The following KIF7 variants were observed in gnomAD, a reference collection of about 807,000 sequenced individuals.
KIF7 encodes kinesin-like protein KIF7.
In KIF7, 104 loss-of-function variants were observed where a neutral mutation model predicts 135.7. The observed-to-expected ratio is 0.77, with a 90% CI of 0.65 to 0.90. The LOEUF is 0.90. KIF7 is among the 40% of genes least tolerant of loss of function. The pLI is 0.00. For missense variants in KIF7, 2,005 were observed against 1,839.1 expected, an observed-to-expected ratio of 1.09 and a Z score of -1.65; for synonymous variants, 883 against 809.4, an observed-to-expected ratio of 1.09 and a Z score of -1.54.
In KIF7 at chr15:89,654,729, A is replaced by T. The variant is rs552302091; in HGVS notation, c.-25+670T>A. Among the ~76,000 whole-genome samples the T allele has an allele frequency of 2.6e-5, 4 of 152,340 alleles. No individual in the cohort carries two copies. In the East Asian group the frequency reaches 7.7e-4, roughly 29 times the overall value. On this transcript the variant is annotated intron_variant, in intron 1 of 18. Transcript: ENST00000394412. ...AGATAGTGATGGATAATCTTCATCCAGGGAACTTTCCCTGCCCTCCCTCCT... is the reference window on the plus strand; with the variant it reads ...AGATAGTGATGGATAATCTTCATCCTGGGAACTTTCCCTGCCCTCCCTCCT...
At position 89,645,073 on chromosome 15, in the gene KIF7, G is replaced by A. The variant is rs1255667027; in HGVS notation, c.2131C>T (p.Arg711Trp). The change falls in exon 10 of 19, where the codon CGG becomes TGG. Residue 711 changes from arginine (R) to tryptophan (W), a missense_variant. Arg to Trp is a moderately radical substitution (Grantham distance 101). Coordinates refer to ENST00000394412, the MANE Select transcript of KIF7 (RefSeq NM_198525.3). The part of the protein sequence containing the change: ...WRLAQAQQKI[R>W]ELAINIRMKE... ...ATGCGGATGTTGATAGCCAGCTCCC[G>A]GATCTTCTGCTGGGCCTGGGCCAGC... The A allele has an allele frequency of 1.9e-5, 31 of 1,605,408 alleles. No individual in the cohort carries two copies. Among genetic ancestry groups the A allele is most frequent in the East Asian group, 4.5e-5 (2 of 44,892 alleles).
At chr15:89,636,868 G>A (rs1485674620) in intron 11 of KIF7, among the ~76,000 whole-genome samples, 3 of 150,020 alleles carry the variant, frequency 2.0e-5, no homozygotes, top group Non-Finnish European at 3.0e-5. Flanking sequence ...CAAATCAACA[G>A]AATATATATT....
At chr15:89,654,858 C>T (rs1212128516) in intron 1 of KIF7, among the ~76,000 whole-genome samples, 4 of 152,272 alleles carry the variant, frequency 2.6e-5, no homozygotes, top group Non-Finnish European at 2.9e-5. Flanking sequence ...CACCCAGCCC[C>T]TATTGGGCTC....
chr15:89,633,849 AG>A lies in KIF7; in HGVS notation c.2428del (p.Leu810TrpfsTer47). On this transcript the variant is annotated frameshift_variant, in exon 12 of 19. Coordinates refer to ENST00000394412, the MANE Select transcript of KIF7 (RefSeq NM_198525.3). LOFTEE classifies it high-confidence loss of function. Reference sequence around the variant, plus strand: ...CTCACTCTGGGCCGACAGTGACACCAGCCGCTCCGTAGCCTGCTTCTTCTCC... The same window carrying A: ...CTCACTCTGGGCCGACAGTGACACCACCGCTCCGTAGCCTGCTTCTTCTCC... ...LKEKKQATER[L>X]VSLSAQSEKR... The A allele has an allele frequency of 6.2e-7, 1 of 1,613,746 alleles. No individual in the cohort carries two copies. Among genetic ancestry groups the A allele is most frequent in the Non-Finnish European group, 8.5e-7 (1 of 1,180,028 alleles).
At position 89,648,487 on chromosome 15, in the gene KIF7, C is replaced by T. The variant is rs1283535550; in HGVS notation, c.1211G>A (p.Arg404His). 1.9e-6 allele frequency: 2 copies of T among 1,041,766 alleles called. No homozygotes were observed. The highest frequency in any genetic ancestry group is 3.5e-5 in the African/African-American group (2 of 57,652). 64.5% of individuals were successfully genotyped at this position (1,041,766 alleles called of 1,614,324 possible). ...GTAGCGCGCGCACTCGGCGCCCAGG[C>T]GCATGGCGGCCGCCGCGGAGGCGGT... ...PATASAAAAM[R>H]LGAECARYRA... is the part of the protein sequence containing the mutation. Residue 404 changes from arginine (R) to histidine (H), a missense_variant, in exon 5 of 19, where the codon CGC (arginine) becomes CAC (histidine). Coordinates refer to ENST00000394412, the MANE Select transcript of KIF7 (RefSeq NM_198525.3).
At chr15:89,637,825 C>G (rs1963840925) in intron 11 of KIF7, among the ~76,000 whole-genome samples, 1 of 136,564 alleles carries the variant, frequency 7.3e-6, no homozygotes, top group African/African-American at 2.7e-5. Flanking sequence ...TTTTATGAGG[C>G]CAGCATCATC....
chr15:89,635,863 A>C (rs1300830409), intron 11 of KIF7, among the ~76,000 whole-genome samples: 1 of 152,192 alleles, frequency 6.6e-6, no homozygotes, highest in African/African-American at 2.4e-5. Flanking sequence ...AGCAACTCCA[A>C]GACACATAAT....
chr15:89,647,500 C>T (rs1567066596), intron 6 of KIF7, 96 bp downstream of exon 6: 3 of 1,098,328 alleles, frequency 2.7e-6, no homozygotes, highest in Non-Finnish European at 4.1e-6. Context: ...CCGCAGTACC[C>T]TACCCTAACT....
chr15:89,653,012 A>G (rs974444382), intron 1 of KIF7, 58 bp from the exon 2 acceptor site: 1 of 1,335,410 alleles, frequency 7.5e-7, no homozygotes, highest in Non-Finnish European at 9.9e-7. Context: ...AGCTGGACTC[A>G]CCCTGCAGGG....
Position 89,628,592 on chromosome 15 carries a change from G to C in KIF7, c.3859C>G (p.Gln1287Glu). The C allele has an allele frequency of 6.2e-7, 1 of 1,613,516 alleles. No individual in the cohort carries two copies. The highest frequency in any genetic ancestry group is 8.5e-7 in the Non-Finnish European group (1 of 1,180,018). The change falls in exon 19 of 19, where the codon CAG becomes GAG. Residue 1287 changes from glutamine (Q) to glutamate (E), a missense_variant. Transcript: ENST00000394412. The stretch of plus-strand genomic sequence containing the variant: ...TGCCTCAGTTCCTCGGGGGACCCCT[G>C]CTCCTCACCACACAGGCTCGAGCGT... The part of the protein sequence containing the change: ...WKRSSLCGEE[Q>E]GSPEELRQRE...
At chr15:89,643,067 A>C (rs1341867483) in intron 10 of KIF7, among the ~76,000 whole-genome samples, 1 of 121,220 alleles carries the variant, frequency 8.2e-6, no homozygotes, top group Non-Finnish European at 1.9e-5. Flanking sequence ...AAAAGCAAAC[A>C]GACAAACCCC....
At chr15:89,658,763 C>A (rs1408819082), upstream of KIF7, among the ~76,000 whole-genome samples, 1 of 151,952 alleles carries the variant, frequency 6.6e-6, no homozygotes, top group Admixed American at 6.6e-5. Context: ...ACCCTGGAGG[C>A]TGAGGTGATA....
At chr15:89,654,965 G>A (rs1413197880) in intron 1 of KIF7, among the ~76,000 whole-genome samples, 6 of 152,210 alleles carry the variant, frequency 3.9e-5, no homozygotes, top group Non-Finnish European at 8.8e-5. Flanking sequence ...GTGCAGTCCC[G>A]GCTTCCGCGC....
intron 2 of KIF7, among the ~76,000 whole-genome samples, chr15:89,651,631 C>A (rs952992222): frequency 2.6e-5 from 4 of 152,210 alleles, no homozygotes; most frequent in Non-Finnish European, 5.9e-5. Context: ...GGGAAAGAAA[C>A]TGGAAGGCTA....
intron 11 of KIF7, among the ~76,000 whole-genome samples, chr15:89,637,939 G>A (rs202024599): frequency 0.33 from 27,942 of 85,286 alleles, 3,752 homozygotes; most frequent in Non-Finnish European, 0.41. Flanking sequence ...CTGGCAAACC[G>A]AATCCAGCAG....
At chr15:89,659,647 G>A (rs536493525), upstream of KIF7, among the ~76,000 whole-genome samples, 2 of 152,278 alleles carry the variant, frequency 1.3e-5, no homozygotes, top group African/African-American at 4.8e-5. Context: ...TTAAGTCCAT[G>A]ACAAGATTCC....
At chr15:89,656,276 G>T (rs1007175789), upstream of KIF7, among the ~76,000 whole-genome samples, 10 of 151,972 alleles carry the variant, frequency 6.6e-5, no homozygotes, top group African/African-American at 2.4e-4. Context: ...GTTATCTCGG[G>T]GAACAGTGAA....
rs771174344 is a variant in KIF7, at chr15:89,647,624, T to G, written c.1532A>C (p.Glu511Ala). 6.2e-7 allele frequency: 1 copy of G among 1,612,028 alleles called. No individual in the cohort carries two copies. The highest frequency in any genetic ancestry group is 1.1e-5 in the South Asian group (1 of 91,064). ...CAGTTTGTACTGCTCCATGGCGTCC[T>G]CCAGCGCAGCCAGAAAGTCTCGGTT... ...EENRDFLAAL[E>A]DAMEQYKLQS... is the part of the protein sequence containing the mutation. The change falls in exon 6 of 19, where the codon GAG (glutamate) becomes GCG (alanine). Residue 511 changes from glutamate (E) to alanine (A), a missense_variant. Coordinates refer to ENST00000394412, the MANE Select transcript of KIF7 (RefSeq NM_198525.3).
At chr15:89,623,916 G>C, downstream of KIF7, 1 of 1,614,002 alleles carries the variant, frequency 6.2e-7, no homozygotes, top group Non-Finnish European at 8.5e-7. Flanking sequence ...AAGGTACTCA[G>C]CCGCCTGGGT....
Sources: allele counts gnomAD v4.1 joint callset (sites outside exome capture counted in the v4.1 genomes callset), GRCh38; gene constraint gnomAD v4.1.1; transcripts MANE v1.5; gene names NCBI Gene and HGNC (gene_info 2026-07-23, HGNC 2026-07-21).